Variants in ARHGAP24 observed in about 807,000 individuals in gnomAD.
ARHGAP24 encodes the protein rho GTPase-activating protein 24.
ARHGAP24 carries 50 observed loss-of-function variants against 76.4 expected under a neutral mutation model. That is an observed-to-expected ratio of 0.65 (90% CI 0.52 to 0.83). The LOEUF is 0.83. Ranked by LOEUF, ARHGAP24 falls within the 40% of genes least tolerant of loss-of-function variation. The pLI is 0.00. For missense variants in ARHGAP24, 930 were observed against 914.2 expected, an observed-to-expected ratio of 1.02 and a Z score of -0.22; for synonymous variants, 345 against 323.3, an observed-to-expected ratio of 1.07 and a Z score of -0.72.
intron 3 of ARHGAP24, among the ~76,000 whole-genome samples, chr4:85,897,346 CTTGT>C (rs1734234340): frequency 6.6e-6 from 1 of 152,188 alleles, no homozygotes; most frequent in African/African-American, 2.4e-5. Context: ...TGCTTATTCA[CTTGT>C]TTATCTACTT....
intron 9 of ARHGAP24, among the ~76,000 whole-genome samples, chr4:85,996,450 A>G (rs1187923226): frequency 2.6e-5 from 4 of 152,228 alleles, no homozygotes; most frequent in Non-Finnish European, 1.5e-5. Context: ...TCCCAGTTTC[A>G]GGCTGTGTGA....
intron 1 of ARHGAP24, among the ~76,000 whole-genome samples, chr4:85,543,977 T>A (rs1447132082): frequency 6.6e-6 from 1 of 152,188 alleles, no homozygotes; most frequent in African/African-American, 2.4e-5. Context: ...CAGTTGATGA[T>A]GTAATTTTTC....
At chr4:85,575,738 T>C (rs1727343955) in intron 2 of ARHGAP24, among the ~76,000 whole-genome samples, 1 of 152,208 alleles carries the variant, frequency 6.6e-6, no homozygotes, top group African/African-American at 2.4e-5. Context: ...TGATAAATTT[T>C]CCTAATGGTT....
chr4:85,813,274 A>C (rs924695738), intron 3 of ARHGAP24, among the ~76,000 whole-genome samples: 3 of 152,234 alleles, frequency 2.0e-5, no homozygotes, highest in Non-Finnish European at 4.4e-5. Flanking sequence ...GAAGCAGTTC[A>C]TTTGAATTTC....
At position 85,774,512 on chromosome 4, in the gene ARHGAP24, A is replaced by G. The variant is rs145989688; in HGVS notation, c.268+52540A>G. Among the ~76,000 whole-genome samples, 327 of 152,344 alleles carry G rather than the reference A, an allele frequency of 2.1e-3. 4 individuals are homozygous for G. The highest frequency in any genetic ancestry group is 3.2e-3 in the Non-Finnish European group (219 of 68,032). On this transcript the variant is annotated intron_variant, in intron 3 of 9. Transcript: ENST00000395184. ...TAGCTCTAGGCTATCTGCTGTTTCAATAAGAAAAACTACTGCAGCATTCAG... is the reference window on the plus strand; with the variant it reads ...TAGCTCTAGGCTATCTGCTGTTTCAGTAAGAAAAACTACTGCAGCATTCAG...
intron 1 of ARHGAP24, among the ~76,000 whole-genome samples, chr4:85,496,596 C>T (rs1259004820): frequency 6.6e-6 from 1 of 152,124 alleles, no homozygotes; most frequent in Non-Finnish European, 1.5e-5. Flanking sequence ...CAAATCACAA[C>T]CGTGAAGTTC....
At chr4:85,490,906 A>G (rs996074755) in intron 1 of ARHGAP24, among the ~76,000 whole-genome samples, 2 of 152,218 alleles carry the variant, frequency 1.3e-5, no homozygotes, top group African/African-American at 4.8e-5. Flanking sequence ...TATAATTCCA[A>G]ATATCTCAGA....
intron 3 of ARHGAP24, among the ~76,000 whole-genome samples, chr4:85,850,261 G>A (rs2110161057): frequency 6.6e-6 from 1 of 152,176 alleles, no homozygotes; most frequent in South Asian, 2.1e-4. Context: ...ATTCTCTGAT[G>A]GTAGTTTGTA....
intron 3 of ARHGAP24, among the ~76,000 whole-genome samples, chr4:85,823,014 A>G (rs1009555762): frequency 1.3e-5 from 2 of 152,212 alleles, no homozygotes; most frequent in African/African-American, 2.4e-5. Context: ...CAGTGATTAT[A>G]AGCATGACAA....
At chr4:85,691,771 G>C (rs1220222946) in intron 2 of ARHGAP24, among the ~76,000 whole-genome samples, 1 of 152,132 alleles carries the variant, frequency 6.6e-6, no homozygotes, top group African/African-American at 2.4e-5. Context: ...GAAAATGGTT[G>C]GGTGTTACCT....
At chr4:85,678,559 T>C (rs981637002) in intron 2 of ARHGAP24, among the ~76,000 whole-genome samples, 2 of 152,132 alleles carry the variant, frequency 1.3e-5, no homozygotes, top group African/African-American at 2.4e-5. Flanking sequence ...ATAAAGTCAT[T>C]TGGAGAAATA....
At chr4:85,944,744 A>G (rs1435832700) in intron 5 of ARHGAP24, among the ~76,000 whole-genome samples, 1 of 152,252 alleles carries the variant, frequency 6.6e-6, no homozygotes, top group Non-Finnish European at 1.5e-5. Context: ...TTTAGTTATA[A>G]TTATGAAAAT....
intron 5 of ARHGAP24, among the ~76,000 whole-genome samples, chr4:85,962,938 T>C (rs753802798): frequency 6.6e-6 from 1 of 151,862 alleles, no homozygotes; most frequent in Non-Finnish European, 1.5e-5. Context: ...TTTGATTTTT[T>C]TTTTCATACC....
intron 3 of ARHGAP24, among the ~76,000 whole-genome samples, chr4:85,776,131 C>A (rs1299834199): frequency 1.3e-5 from 2 of 152,024 alleles, no homozygotes; most frequent in Admixed American, 6.6e-5. Flanking sequence ...CAGTCACTAC[C>A]CTTCACTGCT....
At chr4:85,959,556 T>C (rs1260138205) in intron 5 of ARHGAP24, among the ~76,000 whole-genome samples, 1 of 152,166 alleles carries the variant, frequency 6.6e-6, no homozygotes, top group Non-Finnish European at 1.5e-5. Context: ...TATTGAAGAG[T>C]TGAATTTCAT....
intron 4 of ARHGAP24, chr4:85,930,406 C>T: frequency 8.1e-6 from 8 of 986,056 alleles, no homozygotes; most frequent in Non-Finnish European, 9.6e-6. Flanking sequence ...GAGAAGGTGC[C>T]ATTATTTTCC....
intron 3 of ARHGAP24, among the ~76,000 whole-genome samples, chr4:85,868,929 T>G (rs571870977): frequency 1.4e-4 from 21 of 152,148 alleles, no homozygotes; most frequent in Non-Finnish European, 2.8e-4. Context: ...ATTAATTAAT[T>G]TGTATTTTTC....
chr4:85,678,217 A>AAATT (rs1485442267), intron 2 of ARHGAP24, among the ~76,000 whole-genome samples: 1 of 151,962 alleles, frequency 6.6e-6, no homozygotes, highest in East Asian at 1.9e-4. Context: ...AAAAGTAAAA[A>AAATT]AATTAGCATG....
chr4:85,605,927 A>G (rs575647346), intron 2 of ARHGAP24, among the ~76,000 whole-genome samples: 5 of 152,342 alleles, frequency 3.3e-5, no homozygotes, highest in African/African-American at 1.2e-4. Flanking sequence ...GGAGATTGTG[A>G]TGAATTCCTG....
Sources: gnomAD v4.1 joint callset for allele counts (sites outside exome capture counted in the v4.1 genomes callset) on GRCh38, gnomAD v4.1.1 for gene constraint, MANE v1.5 for transcripts, NCBI Gene and HGNC (gene_info 2026-07-23, HGNC 2026-07-21) for gene names.